The following ANAPC10 variants were observed in gnomAD, a reference collection of about 807,000 sequenced individuals.
ANAPC10 encodes anaphase promoting complex subunit 10, also known as anaphase-promoting complex subunit 10.
In ANAPC10, 12 loss-of-function variants were observed where a neutral mutation model predicts 22.0. That is an observed-to-expected ratio of 0.55 (90% CI 0.35 to 0.88). ANAPC10 has a LOEUF of 0.88. ANAPC10 is among the 40% of genes least tolerant of loss of function. ANAPC10 has a pLI of 0.01. For synonymous variants in ANAPC10, 65 were observed against 69.5 expected (o/e 0.94, Z 0.32); for missense variants, 188 against 220.9 (o/e 0.85, Z 0.94).
intron 4 of ANAPC10, among the ~76,000 whole-genome samples, chr4:144,996,463 AC>A (rs1429184478): frequency 6.6e-6 from 1 of 152,030 alleles, no homozygotes; most frequent in Non-Finnish European, 1.5e-5. Context: ...GCTCCCATGC[AC>A]CCCTGGGAAG....
intron 2 of ANAPC10, 145 bp from the exon 3 acceptor site, chr4:145,081,895 A>G: frequency 1.5e-6 from 1 of 663,374 alleles, no homozygotes; most frequent in Non-Finnish European, 2.6e-6. Flanking sequence ...TATTTTTTGT[A>G]GACAGGGTCT....
At chr4:145,022,628 A>G (rs1736114762) in intron 4 of ANAPC10, among the ~76,000 whole-genome samples, 1 of 151,906 alleles carries the variant, frequency 6.6e-6, no homozygotes, top group African/African-American at 2.4e-5. Context: ...ACTAAACATC[A>G]CCTGTACTCC....
chr4:145,009,562 G>A (rs570690309), intron 4 of ANAPC10, among the ~76,000 whole-genome samples: 2 of 152,218 alleles, frequency 1.3e-5, no homozygotes, highest in East Asian at 3.9e-4. Context: ...ACAAAAACAA[G>A]AAATGGGGAA....
At chr4:145,017,030 C>T in intron 4 of ANAPC10, among the ~76,000 whole-genome samples, 1 of 152,122 alleles carries the variant, frequency 6.6e-6, no homozygotes. Context: ...AGAAGAAAAC[C>T]TAGGCATTAC....
In ANAPC10 at chr4:144,998,688, T is replaced by A. The variant is rs561408470; in HGVS notation, c.328-3085A>T. 3.2e-4 allele frequency among the ~76,000 whole-genome samples: 48 copies of A among 151,836 alleles called. 1 individual carries two copies. Among genetic ancestry groups the A allele is most frequent in the African/African-American group, 1.0e-3 (43 of 41,366 alleles). On this transcript the variant is annotated intron_variant, in intron 4 of 4. Transcript: ENST00000507656. ...CAGGACAGATCTAAAATTGACACAA[T>A]AACATCACAATTAAAAGAACTAGAG...
At chr4:145,072,809 C>T (rs922820386) in intron 3 of ANAPC10, among the ~76,000 whole-genome samples, 1 of 151,928 alleles carries the variant, frequency 6.6e-6, no homozygotes, top group Admixed American at 6.6e-5. Context: ...CTAGTAAAGT[C>T]CAATGAATAT....
At chr4:145,049,538 T>G (rs921730580) in intron 4 of ANAPC10, among the ~76,000 whole-genome samples, 3 of 152,220 alleles carry the variant, frequency 2.0e-5, no homozygotes, top group Non-Finnish European at 4.4e-5. Flanking sequence ...TGTTCAAGTT[T>G]TATAATGAGA....
At chr4:145,089,471 GAAATGATTAAATTATTTT>G (rs1315263943) in intron 2 of ANAPC10, among the ~76,000 whole-genome samples, 2 of 152,192 alleles carry the variant, frequency 1.3e-5, no homozygotes, top group South Asian at 4.1e-4. Flanking sequence ...TGGTGCTTAT[GAAATGATTAAATTATTTT>G]AAAAGACCCT....
At chr4:145,097,835 G>A in intron 1 of ANAPC10, 1 of 332,912 alleles carries the variant, frequency 3.0e-6, no homozygotes, top group South Asian at 2.4e-5. Flanking sequence ...ACGCCACCAA[G>A]TGGATAAAAT....
intron 2 of ANAPC10, among the ~76,000 whole-genome samples, chr4:145,094,458 A>G (rs1245607876): frequency 6.6e-6 from 1 of 152,218 alleles, no homozygotes; most frequent in Non-Finnish European, 1.5e-5. Context: ...ACACCTAAAA[A>G]GGGTAAGTTT....
In ANAPC10 at chr4:145,008,454, C is replaced by T. The variant is rs542050795; in HGVS notation, c.328-12851G>A. Among the ~76,000 whole-genome samples, 7 of 152,194 alleles carry T rather than the reference C, an allele frequency of 4.6e-5. No homozygotes were observed. The South Asian group carries it at 6.2e-4, about 14-fold the overall frequency. On this transcript the variant is annotated intron_variant, in intron 4 of 4. Coordinates refer to ENST00000507656, the MANE Select transcript of ANAPC10 (RefSeq NM_001256706.2). ...AATCATCAATAAAATACTGGCAAAC[C>T]GAATCCAGCAGCACATCAAAAAGCT...
chr4:145,062,824 T>C (rs1177436478), intron 4 of ANAPC10, among the ~76,000 whole-genome samples: 5 of 152,128 alleles, frequency 3.3e-5, no homozygotes, highest in African/African-American at 1.2e-4. Flanking sequence ...CAATGGAATA[T>C]TATACAGCCC....
Position 145,014,410 on chromosome 4 carries a change from A to G in ANAPC10, c.328-18807T>C, listed in dbSNP as rs549341018. ...CCATTGACCTGGGAACCTCACCCCT[A>G]TCCCCCACAGCAGCTGCACCAAGGC... On this transcript the variant is annotated intron_variant, in intron 4 of 4. Transcript: ENST00000507656. Among the ~76,000 whole-genome samples, 13 of 151,976 alleles carry G rather than the reference A, an allele frequency of 8.6e-5. No homozygotes were observed. In the East Asian group the frequency reaches 2.1e-3, roughly 25 times the overall value.
At chr4:145,091,537 G>A (rs1390544942) in intron 2 of ANAPC10, among the ~76,000 whole-genome samples, 1 of 151,918 alleles carries the variant, frequency 6.6e-6, no homozygotes, top group East Asian at 1.9e-4. Context: ...GGGGGGAGGG[G>A]GAAATCACCG....
At chr4:145,057,026 T>G (rs1171836716) in intron 4 of ANAPC10, among the ~76,000 whole-genome samples, 1 of 152,128 alleles carries the variant, frequency 6.6e-6, no homozygotes, top group African/African-American at 2.4e-5. Context: ...AAAAGTGACC[T>G]TACAGGACAA....
chr4:145,047,058 C>G (rs979262048), intron 4 of ANAPC10, among the ~76,000 whole-genome samples: 1 of 152,070 alleles, frequency 6.6e-6, no homozygotes, highest in African/African-American at 2.4e-5. Context: ...CACTGCTTAT[C>G]TAATTTTCAC....
chr4:145,096,607 G>T (rs543473163), intron 1 of ANAPC10, among the ~76,000 whole-genome samples: 1 of 152,294 alleles, frequency 6.6e-6, no homozygotes, highest in East Asian at 1.9e-4. Flanking sequence ...ATGCTATGCA[G>T]TTCTATAATT....
At chr4:145,027,164 C>T (rs1218613021) in intron 4 of ANAPC10, among the ~76,000 whole-genome samples, 3 of 148,876 alleles carry the variant, frequency 2.0e-5, no homozygotes, top group Non-Finnish European at 4.5e-5. Context: ...CCACCACACT[C>T]GGCTAATTTT....
intron 4 of ANAPC10, among the ~76,000 whole-genome samples, chr4:145,026,260 TG>T (rs146543785): frequency 2.2e-3 from 341 of 152,362 alleles, no homozygotes; most frequent in Non-Finnish European, 4.3e-3. Context: ...ATTGATTGAC[TG>T]AATGACTATT....
Sources: gnomAD v4.1 joint callset for allele counts (sites outside exome capture counted in the v4.1 genomes callset) on GRCh38, gnomAD v4.1.1 for gene constraint, MANE v1.5 for transcripts, NCBI Gene and HGNC (gene_info 2026-07-23, HGNC 2026-07-21) for gene names.